Variants in FOXI2 observed in about 807,000 individuals in gnomAD.
The protein encoded by FOXI2 is forkhead box protein I2.
FOXI2 carries 17 observed loss-of-function variants against 14.3 expected under a neutral mutation model. The observed-to-expected ratio is 1.19, with a 90% CI of 0.81 to 1.78. The LOEUF (loss-of-function observed/expected upper bound fraction) is 1.78, where lower values mean the gene tolerates loss of function less well. Among genes scored for constraint, FOXI2 ranks in the 40% most tolerant of loss-of-function variants. FOXI2 has a pLI of 0.00. For missense variants in FOXI2, 541 were observed against 460.0 expected (o/e 1.18, Z -1.61); for synonymous variants, 240 against 218.8 (o/e 1.10, Z -0.85).
Position 127,737,587 on chromosome 10 carries a change from A to ACTC in FOXI2, c.317_319dup (p.Ser106dup). On this transcript the variant is annotated inframe_insertion, in exon 1 of 2. Transcript: ENST00000388920. ...CTGCTGAGGCTGGTGCGGCCGCCCT[A>ACTC]CTCCTACTCGGCGCTCATCGCCATG... 6.4e-7 allele frequency: 1 copy of ACTC among 1,552,010 alleles called. No individual in the cohort carries two copies. The highest frequency in any genetic ancestry group is 8.7e-7 in the Non-Finnish European group (1 of 1,148,052).
chr10:127,737,817 G>C, intron 1 of FOXI2, 33 bp downstream of exon 1: 3 of 1,588,784 alleles, frequency 1.9e-6, no homozygotes, highest in African/African-American at 2.7e-5. Flanking sequence ...CTCCGTCCAG[G>C]ACTCCCCATC....
Position 127,737,218 on chromosome 10 carries a change from G to A in FOXI2, c.-56G>A. ...GCGCTGCTGGCGGCCAAGCTGGATG[G>A]GTCGCCAGTGAGTTTCGGTGCGGCA... On this transcript the variant is annotated 5_prime_UTR_variant, in exon 1 of 2. Transcript: ENST00000388920. 6.9e-7 allele frequency: 1 copy of A among 1,456,378 alleles called. No individual in the cohort carries two copies. Among genetic ancestry groups the A allele is most frequent in the Non-Finnish European group, 9.0e-7 (1 of 1,115,798 alleles). The allele number at this position is 1,456,378 out of a possible 1,614,324, so 90.2% of individuals were successfully genotyped here.
chr10:127,738,636 A>G lies in FOXI2; in HGVS notation c.628A>G (p.Arg210Gly), dbSNP rs1489278366. Residue 210 changes from arginine to glycine, a missense_variant, in exon 2 of 2, where the codon AGG (arginine) becomes GGG (glycine). By Grantham distance (125) the Arg-to-Gly change is moderately radical. Transcript: ENST00000388920. ...CAGCGCGGCCGTGCGCTCGGGAGCC[A>G]GGAGCGTGGGAGGGGCCGAGGCGCC... Reference protein sequence around the residue: ...EASAAVRSGARSVGGAEAPAL... With the variant: ...EASAAVRSGAGSVGGAEAPAL... 7 of 1,602,972 alleles carry G rather than the reference A, an allele frequency of 4.4e-6. No individual in the cohort carries two copies. Among genetic ancestry groups the G allele is most frequent in the Non-Finnish European group, 6.0e-6 (7 of 1,174,560 alleles).
Position 127,738,520 on chromosome 10 carries a change from G to C in FOXI2, c.512G>C (p.Gly171Ala), listed in dbSNP as rs1183488949. The C allele has an allele frequency of 6.2e-7, 1 of 1,609,452 alleles. No individual in the cohort carries two copies. Among genetic ancestry groups the C allele is most frequent in the Admixed American group, 1.7e-5 (1 of 59,308 alleles). The change falls in exon 2 of 2, where the codon GGT (glycine) becomes GCT (alanine). Residue 171 changes from glycine to alanine, a missense_variant and splice_region_variant. Coordinates refer to ENST00000388920, the MANE Select transcript of FOXI2 (RefSeq NM_207426.3). The stretch of plus-strand genomic sequence containing the variant: ...AACTGGGCTGTTTCTTCTTCTGCAG[G>C]TAAAGGCAATTACTGGACCCTGGAC... ...KKVPRDEDDP[G>A]KGNYWTLDPN...
In FOXI2 at chr10:127,738,860, C is replaced by G. The variant is rs1451911849; in HGVS notation, c.852C>G (p.Pro284=). The G allele has an allele frequency of 6.2e-7, 1 of 1,608,322 alleles. No homozygotes were observed. The highest frequency in any genetic ancestry group is 2.2e-5 in the East Asian group (1 of 44,826). Residue 284 remains proline, a synonymous_variant, in exon 2 of 2, where the codon CCC becomes CCG. Transcript: ENST00000388920. ...CACCGACAGTCGCCACCCACGCTCC[C>G]CAGACCCTTAACCCCTCCCCTGGCT... The part of the protein sequence containing the change: ...RRPPTVATHA[P]QTLNPSPGFA...
At position 127,737,262 on chromosome 10, in the gene FOXI2, G is replaced by T; in HGVS notation, c.-12G>T. ...TGCGGCACCGCTGGCCCAGGCCCGG[G>T]CGCGGCTGGACATGGCCACCTACTG... On this transcript the variant is annotated 5_prime_UTR_variant, in exon 1 of 2. Transcript: ENST00000388920. 6.8e-7 allele frequency: 1 copy of T among 1,472,358 alleles called. No homozygotes were observed. Among genetic ancestry groups the T allele is most frequent in the African/African-American group, 1.5e-5 (1 of 67,726 alleles). 91.2% of individuals were successfully genotyped at this position (1,472,358 alleles called of 1,614,324 possible). A position where few individuals can be genotyped will look rare whatever the true frequency, so the allele number is the denominator to read the frequency against.
chr10:127,737,509 G>GC lies in FOXI2; in HGVS notation c.237dup (p.Gly80ArgfsTer56). The GC allele has an allele frequency of 2.8e-6, 4 of 1,409,970 alleles. No individual in the cohort carries two copies. Among genetic ancestry groups the GC allele is most frequent in the Non-Finnish European group, 3.7e-6 (4 of 1,092,032 alleles). 87.3% of individuals were successfully genotyped at this position (1,409,970 alleles called of 1,614,324 possible). On this transcript the variant is annotated frameshift_variant, in exon 1 of 2. Transcript: ENST00000388920. LOFTEE classifies it high-confidence loss of function. ...CCCGGCCCGCTCCTCGGCGCCCCGG[G>GC]CGGCCTGGCGGGCGCCGACCTCGCC...
chr10:127,739,091 G>A lies in FOXI2; in HGVS notation c.*126G>A, dbSNP rs914506991. 18 of 869,848 alleles carry A rather than the reference G, an allele frequency of 2.1e-5. 2 individuals are homozygous for A. The highest frequency in any genetic ancestry group is 2.1e-4 in the Admixed American group (7 of 33,968). 53.9% of individuals were successfully genotyped at this position (869,848 alleles called of 1,614,324 possible). A position where few individuals can be genotyped will look rare whatever the true frequency, so the allele number is the denominator to read the frequency against. On this transcript the variant is annotated 3_prime_UTR_variant, in exon 2 of 2. Transcript: ENST00000388920. Reference sequence around the variant, plus strand: ...GTGCCCTGGGAGGAAGCGCAGAGCCGGGGGCGGCTCGGCCAGCAGGGAGCT... The same window carrying A: ...GTGCCCTGGGAGGAAGCGCAGAGCCAGGGGCGGCTCGGCCAGCAGGGAGCT...
chr10:127,739,212 TC>T lies in FOXI2; in HGVS notation c.*249del. The T allele has an allele frequency of 2.0e-6, 1 of 492,016 alleles. No individual in the cohort carries two copies. The highest frequency in any genetic ancestry group is 3.9e-5 in the Admixed American group (1 of 25,838). 30.5% of individuals were successfully genotyped at this position (492,016 alleles called of 1,614,324 possible). On this transcript the variant is annotated 3_prime_UTR_variant, in exon 2 of 2. Transcript: ENST00000388920. Reference sequence around the variant, plus strand: ...GGAACCTCCCTGCTCTGCCTCTAAGTCCAGCCGCCCTGGGCGTCTAGAACCT... The same window carrying T: ...GGAACCTCCCTGCTCTGCCTCTAAGTCAGCCGCCCTGGGCGTCTAGAACCT...
In FOXI2 at chr10:127,737,196, C is replaced by T; in HGVS notation, c.-78C>T. 2.1e-6 allele frequency: 3 copies of T among 1,413,442 alleles called. No individual in the cohort carries two copies. The highest frequency in any genetic ancestry group is 3.0e-5 in the East Asian group (1 of 32,914). 87.6% of individuals were successfully genotyped at this position (1,413,442 alleles called of 1,614,324 possible). ...GGGCCGGGCTGGTCGCACCCGGGCG[C>T]TGCTGGCGGCCAAGCTGGATGGGTC... On this transcript the variant is annotated 5_prime_UTR_variant, in exon 1 of 2. Transcript: ENST00000388920.
In FOXI2 at chr10:127,740,034, ACT is replaced by A. The variant is rs1418016507; in HGVS notation, c.*1071_*1072del. The A allele has an allele frequency of 2.4e-5, 3 of 126,066 alleles. No homozygotes were observed. The highest frequency in any genetic ancestry group is 1.6e-4 in the Admixed American group (2 of 12,264). The allele number at this position is 126,066 out of a possible 1,614,324, so 7.8% of individuals were successfully genotyped here. Reference sequence around the variant, plus strand: ...CACTGACACCCACACTCACACCCACACTCACACTGACACCCACACTCACACCC... The same window carrying A: ...CACTGACACCCACACTCACACCCACACACACTGACACCCACACTCACACCC... On this transcript the variant is annotated 3_prime_UTR_variant, in exon 2 of 2. Transcript: ENST00000388920.
chr10:127,738,460 C>A, intron 1 of FOXI2, 60 bp from the exon 2 acceptor site: 1 of 1,383,132 alleles, frequency 7.2e-7, no homozygotes. Context: ...TCCTCGCTGG[C>A]TCACACCACG....
chr10:127,739,886 C>CT lies in FOXI2; in HGVS notation c.*921_*922insT, dbSNP rs1846482067. 1 of 96,098 alleles carries CT rather than the reference C, an allele frequency of 1.0e-5. No homozygotes were observed. Among genetic ancestry groups the CT allele is most frequent in the South Asian group, 5.8e-4 (1 of 1,734 alleles). 6.0% of individuals were successfully genotyped at this position (96,098 alleles called of 1,614,324 possible). ...ACTCACACCCACACTCACACCCACA[C>CT]CCACACCCACACTCACACACACTCA... On this transcript the variant is annotated 3_prime_UTR_variant, in exon 2 of 2. Coordinates refer to ENST00000388920, the MANE Select transcript of FOXI2 (RefSeq NM_207426.3).
rs1846454952 is a variant in FOXI2 at position 127,738,903 on chromosome 10, A to G, written c.895A>G (p.Thr299Ala). 6.2e-7 allele frequency: 1 copy of G among 1,604,594 alleles called. No homozygotes were observed. The highest frequency in any genetic ancestry group is 1.7e-5 in the Admixed American group (1 of 59,876). ...PSPGFAPGHQTAAAGFRLSHL... is the reference protein window; with the variant it reads ...PSPGFAPGHQAAAAGFRLSHL... ...CCCTGGCTTCGCCCCTGGCCACCAGACCGCGGCCGCCGGCTTCCGCCTCAG... is the reference window on the plus strand; with the variant it reads ...CCCTGGCTTCGCCCCTGGCCACCAGGCCGCGGCCGCCGGCTTCCGCCTCAG... The change falls in exon 2 of 2, where the codon ACC (threonine) becomes GCC (alanine). Residue 299 changes from threonine (T) to alanine (A), a missense_variant. Coordinates refer to ENST00000388920, the MANE Select transcript of FOXI2 (RefSeq NM_207426.3).
Position 127,737,621 on chromosome 10 carries a change from G to C in FOXI2, c.348G>C (p.Gln116His), listed in dbSNP as rs2043699752. ...SYSALIAMAI[Q>H]SAPLRKLTLS... ...CGGCGCTCATCGCCATGGCCATCCA[G>C]AGCGCGCCGCTGCGGAAGCTGACGC... The change falls in exon 1 of 2, where the codon CAG (glutamine) becomes CAC (histidine). Residue 116 changes from glutamine (Q) to histidine (H), a missense_variant. Physicochemically the swap from Gln to His is conservative, Grantham distance 24 (BLOSUM62 0). Coordinates refer to ENST00000388920, the MANE Select transcript of FOXI2 (RefSeq NM_207426.3). 6.4e-7 allele frequency: 1 copy of C among 1,563,166 alleles called. No individual in the cohort carries two copies. Among genetic ancestry groups the C allele is most frequent in the Non-Finnish European group, 8.7e-7 (1 of 1,154,258 alleles).
rs1207661446 is a variant in FOXI2, at chr10:127,738,854, C to T, written c.846C>T (p.His282=). The change falls in exon 2 of 2, where the codon CAC becomes CAT. Residue 282 remains histidine, a synonymous_variant. Coordinates refer to ENST00000388920, the MANE Select transcript of FOXI2 (RefSeq NM_207426.3). ...FGRRPPTVAT[H]APQTLNPSPG... ...GGCGGCCACCGACAGTCGCCACCCA[C>T]GCTCCCCAGACCCTTAACCCCTCCC... 4.4e-6 allele frequency: 7 copies of T among 1,607,332 alleles called. No homozygotes were observed. The highest frequency in any genetic ancestry group is 1.7e-5 in the Admixed American group (1 of 59,724).
rs748608284 is a variant in FOXI2 at position 127,738,690 on chromosome 10, C to G, written c.682C>G (p.Leu228Val). Reference sequence around the variant, plus strand: ...GCTGGAGCCCCCGAGCGCGGCTTGCCTGGACCTGCAGGCCTCGCCCTCTCC... The same window carrying G: ...GCTGGAGCCCCCGAGCGCGGCTTGCGTGGACCTGCAGGCCTCGCCCTCTCC... Reference protein sequence around the residue: ...PALEPPSAACLDLQASPSPSA... With the variant: ...PALEPPSAACVDLQASPSPSA... Residue 228 changes from leucine (L) to valine (V), a missense_variant, in exon 2 of 2, where the codon CTG (leucine) becomes GTG (valine). Transcript: ENST00000388920. The G allele has an allele frequency of 6.3e-7, 1 of 1,597,044 alleles. No individual in the cohort carries two copies. The highest frequency in any genetic ancestry group is 1.3e-5 in the African/African-American group (1 of 74,522).
rs1169968566 is a variant in FOXI2, at chr10:127,740,185, C to CA, written c.*1220_*1221insA. On this transcript the variant is annotated 3_prime_UTR_variant, in exon 2 of 2. Transcript: ENST00000388920. ...CACACTCATACTCACACACCCACAC[C>CA]CACACCCACACCCACACCCACACCC... 141 of 137,286 alleles carry CA rather than the reference C, an allele frequency of 1.0e-3. 11 individuals are homozygous for CA. The highest frequency in any genetic ancestry group is 3.9e-3 in the Middle Eastern group (1 of 256). 8.5% of individuals were successfully genotyped at this position (137,286 alleles called of 1,614,324 possible). A position where few individuals can be genotyped will look rare whatever the true frequency, so the allele number is the denominator to read the frequency against.
rs750652104 is a variant in FOXI2, at chr10:127,738,676, C to A, written c.668C>A (p.Pro223Gln). 1 of 1,595,074 alleles carries A rather than the reference C, an allele frequency of 6.3e-7. No homozygotes were observed. Among genetic ancestry groups the A allele is most frequent in the South Asian group, 1.1e-5 (1 of 88,574 alleles). ...GGAEAPALEP[P>Q]SAACLDLQAS... ...GCCGAGGCGCCAGCGCTGGAGCCCC[C>A]GAGCGCGGCTTGCCTGGACCTGCAG... Residue 223 changes from proline to glutamine, a missense_variant, in exon 2 of 2, where the codon CCG becomes CAG. Pro to Gln is a moderately conservative substitution (Grantham distance 76, BLOSUM62 -1). Transcript: ENST00000388920.
Sources: allele counts gnomAD v4.1 joint callset, GRCh38; gene constraint gnomAD v4.1.1; transcripts MANE v1.5; gene names NCBI Gene and HGNC (gene_info 2026-07-23, HGNC 2026-07-21).